The following ELP5 variants were observed in gnomAD, a reference collection of about 807,000 sequenced individuals.
ELP5 encodes elongator complex protein 5.
In ELP5, 34 loss-of-function variants were observed where a neutral mutation model predicts 33.4. That is an observed-to-expected ratio of 1.02 (90% CI 0.78 to 1.36). The LOEUF (loss-of-function observed/expected upper bound fraction) is 1.36. ELP5 is among the 40% of genes most tolerant of loss of function. ELP5 has a pLI of 0.00. For synonymous variants in ELP5, 161 were observed against 146.4 expected (o/e 1.10, Z -0.72); for missense variants, 373 against 371.7 (o/e 1.00, Z -0.03).
At chr17:7,257,238 T>C (rs1222339532) in intron 5 of ELP5, among the ~76,000 whole-genome samples, 200 bp downstream of exon 5, 1 of 152,186 alleles carries the variant, frequency 6.6e-6, no homozygotes, top group Non-Finnish European at 1.5e-5. Context: ...CCCAAAGTGC[T>C]AGGATTACAG....
At position 7,256,994 on chromosome 17, in the gene ELP5, G is replaced by A; in HGVS notation, c.547G>A (p.Ala183Thr). The stretch of plus-strand genomic sequence containing the variant: ...GGGCGGTACCATGGGCCAGGCCTCG[G>A]CCCACATCCTGTGTCGGAGGCCCCG... The part of the protein sequence containing the change: ...TLGGTMGQAS[A>T]HILCRRPRQR... Residue 183 changes from alanine (A) to threonine (T), a missense_variant, in exon 5 of 8, where the codon GCC becomes ACC. By Grantham distance (58) the Ala-to-Thr change is moderately conservative (BLOSUM62 0). Transcript: ENST00000396628. 1 of 1,608,872 alleles carries A rather than the reference G, an allele frequency of 6.2e-7. No homozygotes were observed.
rs369012188 is a variant in ELP5, at chr17:7,255,012, C to A, written c.409+209C>A. On this transcript the variant is annotated intron_variant, in intron 4 of 7. Coordinates refer to ENST00000396628, the MANE Select transcript of ELP5 (RefSeq NM_203414.3). Reference sequence around the variant, plus strand: ...TTTTTCTCCAAGTTATTTTTTTACTCATTTGTTTCACTCATTCATTCATTT... The same window carrying A: ...TTTTTCTCCAAGTTATTTTTTTACTAATTTGTTTCACTCATTCATTCATTT... The A allele has an allele frequency of 1.1e-5, 6 of 570,588 alleles. 1 individual carries two copies. 35.3% of individuals were successfully genotyped at this position (570,588 alleles called of 1,614,324 possible).
At chr17:7,258,023 A>G (rs1182647619) in intron 5 of ELP5, among the ~76,000 whole-genome samples, 1 of 151,814 alleles carries the variant, frequency 6.6e-6, no homozygotes, top group African/African-American at 2.4e-5. Context: ...AGCCGAGATC[A>G]TGCCACTACA....
intron 5 of ELP5, among the ~76,000 whole-genome samples, chr17:7,257,868 G>T (rs893351648): frequency 6.6e-6 from 1 of 152,216 alleles, no homozygotes; most frequent in Non-Finnish European, 1.5e-5. Flanking sequence ...AGGAGTTCGA[G>T]ACCGGCCTGG....
In ELP5 at chr17:7,254,711, C is replaced by T. The variant is rs2072034491; in HGVS notation, c.317C>T (p.Ala106Val). Residue 106 changes from alanine (A) to valine (V), a missense_variant, in exon 4 of 8, where the codon GCT (alanine) becomes GTT (valine). Coordinates refer to ENST00000396628, the MANE Select transcript of ELP5 (RefSeq NM_203414.3). ...ACAGATCCTGTTCCTGTCACCATTG[C>T]TCTCGATTCACTCAGCTGGCTGCTA... ...KRTDPVPVTI[A>V]LDSLSWLLLR... is the part of the protein sequence containing the mutation. The T allele has an allele frequency of 6.2e-7, 1 of 1,614,132 alleles. No homozygotes were observed. The highest frequency in any genetic ancestry group is 8.5e-7 in the Non-Finnish European group (1 of 1,180,014).
At chr17:7,255,425 G>A (rs1186932575) in intron 4 of ELP5, among the ~76,000 whole-genome samples, 1 of 152,104 alleles carries the variant, frequency 6.6e-6, no homozygotes, top group African/African-American at 2.4e-5. Context: ...CTACCCGGGA[G>A]GCTGAGGCAG....
At chr17:7,257,439 T>G (rs1482389366) in intron 5 of ELP5, among the ~76,000 whole-genome samples, 1 of 151,952 alleles carries the variant, frequency 6.6e-6, no homozygotes, top group Non-Finnish European at 1.5e-5. Context: ...GAGTTTTTTT[T>G]TTTTTTTTTA....
intron 7 of ELP5, 32 bp downstream of exon 7, chr17:7,258,958 G>A (rs1212850203): frequency 5.0e-6 from 8 of 1,613,692 alleles, no homozygotes; most frequent in Non-Finnish European, 5.9e-6. Flanking sequence ...GTGGATCCCT[G>A]AGTAGATCCC....
chr17:7,256,079 G>T (rs181427004), intron 4 of ELP5, among the ~76,000 whole-genome samples: 1 of 152,044 alleles, frequency 6.6e-6, no homozygotes, highest in African/African-American at 2.4e-5. Context: ...CAGTCCGGGC[G>T]CAGAGGCTCA....
In ELP5 at chr17:7,255,453, G is replaced by A. The variant is rs552668297; in HGVS notation, c.409+650G>A. Reference sequence around the variant, plus strand: ...TGAGGCAGGAGAATGGCGTGAACCCGGGAGGTGGAGCTTGCAGTGAGCTGA... The same window carrying A: ...TGAGGCAGGAGAATGGCGTGAACCCAGGAGGTGGAGCTTGCAGTGAGCTGA... On this transcript the variant is annotated intron_variant, in intron 4 of 7. Coordinates refer to ENST00000396628, the MANE Select transcript of ELP5 (RefSeq NM_203414.3). 2.6e-4 allele frequency among the ~76,000 whole-genome samples: 39 copies of A among 151,594 alleles called. 1 individual carries two copies. Among genetic ancestry groups the A allele is most frequent in the Non-Finnish European group, 4.7e-4 (32 of 67,800 alleles).
At chr17:7,257,853 A>C (rs1002203790) in intron 5 of ELP5, among the ~76,000 whole-genome samples, 1 of 151,968 alleles carries the variant, frequency 6.6e-6, no homozygotes, top group Non-Finnish European at 1.5e-5. Context: ...GCAGATTGTG[A>C]GGTCAGGAGT....
chr17:7,253,189 GATC>G (rs1449653738), intron 3 of ELP5, among the ~76,000 whole-genome samples, 191 bp downstream of exon 3: 1 of 152,180 alleles, frequency 6.6e-6, no homozygotes, highest in Non-Finnish European at 1.5e-5. Flanking sequence ...CCAAAGCAAA[GATC>G]ATAGAAGTCG....
At position 7,254,811 on chromosome 17, in the gene ELP5, C is replaced by T. The variant is rs780307888; in HGVS notation, c.409+8C>T. 3 of 1,609,614 alleles carry T rather than the reference C, an allele frequency of 1.9e-6. No homozygotes were observed. Among genetic ancestry groups the T allele is most frequent in the Admixed American group, 3.3e-5 (2 of 59,972 alleles). ...ATCAGGACTCTTGTCCTGGTGAGAC[C>T]CCTCCTTCATTGTTTCCCCTCATAC... On this transcript the variant is annotated splice_region_variant and intron_variant, in intron 4 of 7. Transcript: ENST00000396628.
intron 7 of ELP5, 177 bp downstream of exon 7, chr17:7,259,103 T>G: frequency 6.9e-7 from 1 of 1,449,874 alleles, no homozygotes; most frequent in Non-Finnish European, 9.0e-7. Context: ...AGGACCTTTA[T>G]GTCTCTTTTC....
intron 7 of ELP5, 85 bp downstream of exon 7, chr17:7,259,011 T>G (rs2072149165): frequency 6.3e-7 from 1 of 1,580,042 alleles, no homozygotes; most frequent in Admixed American, 1.8e-5. Context: ...GGTTATTGAT[T>G]AACCTGACTT....
At position 7,254,679 on chromosome 17, in the gene ELP5, C is replaced by T. The variant is rs766025422; in HGVS notation, c.285C>T (p.Cys95=). Residue 95 remains cysteine, a synonymous_variant, in exon 4 of 8, where the codon TGC becomes TGT. Transcript: ENST00000396628. ...CGCTGGGAGCCTTGAGAGCCATGTG[C>T]AAGAGGACAGATCCTGTTCCTGTCA... ...GGPLGALRAM[C]KRTDPVPVTI... is the part of the protein sequence containing the mutation. 1.2e-6 allele frequency: 2 copies of T among 1,614,130 alleles called. No individual in the cohort carries two copies. The highest frequency in any genetic ancestry group is 1.7e-5 in the Admixed American group (1 of 60,002).
chr17:7,256,077 G>A (rs2072068794), intron 4 of ELP5, among the ~76,000 whole-genome samples: 2 of 152,110 alleles, frequency 1.3e-5, no homozygotes, highest in Middle Eastern at 3.4e-3. Flanking sequence ...AACAGTCCGG[G>A]CGCAGAGGCT....
rs766419726 is a variant in ELP5 at position 7,252,729 on chromosome 17, C to T, written c.47-41C>T. 4.3e-6 allele frequency: 7 copies of T among 1,613,616 alleles called. No individual in the cohort carries two copies. In the Admixed American group the frequency reaches 6.7e-5, roughly 15 times the overall value. On this transcript the variant is annotated intron_variant, in intron 1 of 7. Transcript: ENST00000396628. ...GCGACGGGTTCGCGAAGGCGGTAAT[C>T]CCAGCGCTCTCATACCCTTTATCCG...
chr17:7,259,364 T>G, intron 7 of ELP5: 1 of 1,408,888 alleles, frequency 7.1e-7, no homozygotes, highest in Non-Finnish European at 9.2e-7. Context: ...AACTTACGGT[T>G]TTATTAGGAG....
Sources: gnomAD v4.1 joint callset for allele counts (sites outside exome capture counted in the v4.1 genomes callset) on GRCh38, gnomAD v4.1.1 for gene constraint, MANE v1.5 for transcripts, NCBI Gene and HGNC (gene_info 2026-07-23, HGNC 2026-07-21) for gene names.